The following ZNF43 variants were observed in gnomAD, a reference collection of about 807,000 sequenced individuals.
The protein encoded by ZNF43 is zinc finger protein 43.
ZNF43 carries 44 observed loss-of-function variants against 68.4 expected under a neutral mutation model. That is an observed-to-expected ratio of 0.64 (90% CI 0.51 to 0.83). ZNF43 has a LOEUF of 0.83. Among genes scored for constraint, ZNF43 ranks in the 40% least tolerant of loss-of-function variants. The probability of loss-of-function intolerance (pLI) is 0.00; values close to 1 mark genes in which losing one functional copy is unlikely to be tolerated. For synonymous variants in ZNF43, 308 were observed against 307.8 expected, an observed-to-expected ratio of 1.00 and a Z score of -0.01; for missense variants, 896 against 933.2, an observed-to-expected ratio of 0.96 and a Z score of 0.52.
At chr19:21,851,859 C>A in intron 1 of ZNF43, 1 of 1,543,766 alleles carries the variant, frequency 6.5e-7, no homozygotes. Context: ...CCGCCACTTT[C>A]ACAGCCTGCT....
intron 3 of ZNF43, among the ~76,000 whole-genome samples, chr19:21,810,077 C>T (rs1334654310): frequency 6.6e-6 from 1 of 152,216 alleles, no homozygotes; most frequent in African/African-American, 2.4e-5. Flanking sequence ...ATTTACCCAA[C>T]ACAGCTTTTT....
intron 1 of ZNF43, among the ~76,000 whole-genome samples, chr19:21,820,139 C>T (rs762414900): frequency 6.5e-5 from 8 of 123,722 alleles, no homozygotes; most frequent in Non-Finnish European, 1.3e-4. Context: ...GTGGAGGTTG[C>T]AGTGAGCTGA....
intron 3 of ZNF43, among the ~76,000 whole-genome samples, chr19:21,815,240 TTTG>T (rs2037464474): frequency 6.6e-6 from 1 of 151,964 alleles, no homozygotes; most frequent in Non-Finnish European, 1.5e-5. Flanking sequence ...TAAAGAAGAA[TTTG>T]TTTAGATAAC....
chr19:21,822,508 T>C (rs531307128), intron 1 of ZNF43, among the ~76,000 whole-genome samples: 1 of 151,616 alleles, frequency 6.6e-6, no homozygotes, highest in Non-Finnish European at 1.5e-5. Flanking sequence ...TGAACCTATG[T>C]AGAATTCTGT....
At chr19:21,815,200 A>G (rs1246375404) in intron 3 of ZNF43, among the ~76,000 whole-genome samples, 1 of 152,078 alleles carries the variant, frequency 6.6e-6, no homozygotes, top group Non-Finnish European at 1.5e-5. Flanking sequence ...AAAAAAAAAA[A>G]AAATCTGGTA....
intron 1 of ZNF43, among the ~76,000 whole-genome samples, chr19:21,844,921 A>AAAAAAAAAAAAAAAT (rs1310761266): frequency 3.8e-5 from 1 of 26,050 alleles, no homozygotes; most frequent in African/African-American, 2.2e-4. Context: ...AAAAAAAAAA[A>AAAAAAAAAAAAAAAT]ATATATATAT....
Position 21,807,697 on chromosome 19 carries a change from AT to A in ZNF43, c.2339del (p.His780LeufsTer16). ...GTTTCTCTCCAGTATGAATTTTGTT[AT>A]GTGTAGTAAGGTTTGAATATTGGTT... ...AFNQYSNLTT[H>X]NKIHTGEKLY... is the part of the protein sequence containing the mutation. On this transcript the variant is annotated frameshift_variant, in exon 4 of 4. Coordinates refer to ENST00000354959, the MANE Select transcript of ZNF43 (RefSeq NM_003423.4). LOFTEE classifies it high-confidence loss of function. 13 of 1,612,054 alleles carry A rather than the reference AT, an allele frequency of 8.1e-6. No individual in the cohort carries two copies. The highest frequency in any genetic ancestry group is 1.0e-5 in the Non-Finnish European group (12 of 1,179,078).
chr19:21,837,573 T>A (rs1314249084), upstream of ZNF43, among the ~76,000 whole-genome samples: 1 of 152,032 alleles, frequency 6.6e-6, no homozygotes, highest in Non-Finnish European at 1.5e-5. Flanking sequence ...TACAGGTGCA[T>A]GACCCCATGC....
At position 21,817,982 on chromosome 19, in the gene ZNF43, A is replaced by T; in HGVS notation, c.135T>A (p.Ile45=). 1 of 1,611,538 alleles carries T rather than the reference A, an allele frequency of 6.2e-7. No homozygotes were observed. Among genetic ancestry groups the T allele is most frequent in the Non-Finnish European group, 8.5e-7 (1 of 1,178,806 alleles). Residue 45 remains isoleucine, a synonymous_variant, in exon 3 of 4, where the codon ATT becomes ATA. Transcript: ENST00000354959. ...ENYRNLVFLG[I]AVSKPDLITC... ...TGATCAGGTCTGGCTTAGAGACAGC[A>T]ATACCTGTTTCAATAAAAAATAAAT...
At chr19:21,837,415 C>CTTTTTTTT (rs539940868), upstream of ZNF43, among the ~76,000 whole-genome samples, 3 of 83,986 alleles carry the variant, frequency 3.6e-5, no homozygotes, top group African/African-American at 1.8e-4. Flanking sequence ...CCTACACTTA[C>CTTTTTTTT]TTTTTTTTTT....
chr19:21,836,110 A>G lies in ZNF43; in HGVS notation c.-72T>C. On this transcript the variant is annotated 5_prime_UTR_variant, in exon 1 of 4. Coordinates refer to ENST00000354959, the MANE Select transcript of ZNF43 (RefSeq NM_003423.4). ...ATACCCGCAGGTCACAGAGCCACAG[A>G]GGCTGGACCTCTAGCAGCAGAGGAC... 6.2e-6 allele frequency: 10 copies of G among 1,610,730 alleles called. No individual in the cohort carries two copies. The South Asian group carries it at 1.1e-4, about 18-fold the overall frequency.
At chr19:21,811,360 C>G (rs1461984107) in intron 3 of ZNF43, among the ~76,000 whole-genome samples, 1 of 151,916 alleles carries the variant, frequency 6.6e-6, no homozygotes, top group African/African-American at 2.4e-5. Flanking sequence ...CATGGTGAAA[C>G]CCTGTCTCTA....
chr19:21,834,621 C>T (rs1026306813), intron 1 of ZNF43, among the ~76,000 whole-genome samples: 2 of 151,358 alleles, frequency 1.3e-5, no homozygotes, highest in Admixed American at 6.6e-5. Flanking sequence ...TAACCAGGCA[C>T]GGTGGCAGGT....
upstream of ZNF43, chr19:21,838,883 T>C (rs993499761): frequency 7.2e-5 from 11 of 152,020 alleles, no homozygotes; most frequent in African/African-American, 1.2e-4. Flanking sequence ...CAGGATGAGA[T>C]AGGAGGTCAG....
In ZNF43 at chr19:21,844,924, AT is replaced by A. The variant is rs1331380434; in HGVS notation, c.30+6980del. Among the ~76,000 whole-genome samples the A allele has an allele frequency of 4.1e-3, 466 of 114,828 alleles. 5 individuals carry two copies. The highest frequency in any genetic ancestry group is 6.5e-3 in the South Asian group (23 of 3,544). The allele number at this position is 114,828 out of a possible 152,430, so 75.3% of individuals were successfully genotyped here. ...AAAAAAAAAAAAAAAAAAAAAAAATATATATATATATATATATATATATGTT... is the reference window on the plus strand; with the variant it reads ...AAAAAAAAAAAAAAAAAAAAAAAATAATATATATATATATATATATATGTT... On this transcript the variant is annotated intron_variant, in intron 1 of 3. Coordinates refer to the ZNF43 transcript ENST00000357491.
In ZNF43 at chr19:21,807,558, A is replaced by G. The variant is rs1219615925; in HGVS notation, c.*49T>C. The G allele has an allele frequency of 3.4e-6, 5 of 1,459,036 alleles. No individual in the cohort carries two copies. In the Admixed American group the frequency reaches 1.2e-4, roughly 36 times the overall value. 90.4% of individuals were successfully genotyped at this position (1,459,036 alleles called of 1,614,324 possible). A position where few individuals can be genotyped will look rare whatever the true frequency, so the allele number is the denominator to read the frequency against. ...TACAATCAAGTGTGACAACCATGTAAAGCCTTTATCACATTCTTTACATTT... is the reference window on the plus strand; with the variant it reads ...TACAATCAAGTGTGACAACCATGTAGAGCCTTTATCACATTCTTTACATTT... On this transcript the variant is annotated 3_prime_UTR_variant, in exon 4 of 4. Transcript: ENST00000354959.
chr19:21,844,625 A>C (rs1388343273), intron 1 of ZNF43, among the ~76,000 whole-genome samples: 6 of 151,774 alleles, frequency 4.0e-5, no homozygotes, highest in African/African-American at 1.5e-4. Context: ...AGGGCCGGGA[A>C]GGTGGCTTAC....
rs974318262 is a variant in ZNF43, at chr19:21,805,383, G to C, written c.*2224C>G. The C allele has an allele frequency of 2.0e-5, 3 of 152,340 alleles. No individual in the cohort carries two copies. The highest frequency in any genetic ancestry group is 2.9e-5 in the Non-Finnish European group (2 of 68,206). 9.4% of individuals were successfully genotyped at this position (152,340 alleles called of 1,614,324 possible). On this transcript the variant is annotated 3_prime_UTR_variant, in exon 4 of 4. Coordinates refer to ENST00000354959, the MANE Select transcript of ZNF43 (RefSeq NM_003423.4). ...GGAGGCTGAGGCAGGAGAATCACTT[G>C]AACCGGGGAGGTGGGGGTTGCAGTG...
At chr19:21,835,483 T>G (rs959881557) in intron 1 of ZNF43, among the ~76,000 whole-genome samples, 1 of 147,326 alleles carries the variant, frequency 6.8e-6, no homozygotes, top group African/African-American at 2.5e-5. Context: ...TCAGCCTCCC[T>G]AGTAGCTGCG....
Sources: gnomAD v4.1 joint callset for allele counts (sites outside exome capture counted in the v4.1 genomes callset) on GRCh38, gnomAD v4.1.1 for gene constraint, MANE v1.5 for transcripts, NCBI Gene and HGNC (gene_info 2026-07-23, HGNC 2026-07-21) for gene names.